Variants in RASIP1 observed in about 807,000 individuals in gnomAD.
RASIP1 encodes ras-interacting protein 1.
In RASIP1, 20 loss-of-function variants were observed where a neutral mutation model predicts 85.3. That is an observed-to-expected ratio of 0.23 (90% confidence interval 0.17 to 0.34). The LOEUF is 0.34. RASIP1 is among the 10% of genes least tolerant of loss of function. The probability of loss-of-function intolerance (pLI) is 1.00; values close to 1 mark genes in which losing one functional copy is unlikely to be tolerated. For missense variants in RASIP1, 1,170 were observed against 1,390.9 expected, an observed-to-expected ratio of 0.84 and a Z score of 2.53; for synonymous variants, 617 against 647.1, an observed-to-expected ratio of 0.95 and a Z score of 0.71.
chr19:48,737,374 C>T (rs2033591930), intron 3 of RASIP1: 1 of 763,700 alleles, frequency 1.3e-6, no homozygotes, highest in Non-Finnish European at 1.6e-6. Flanking sequence ...GCTCCCTGAG[C>T]AGACCCGTGC....
At chr19:48,728,892 ACTTGG>A in intron 5 of RASIP1, 40 bp downstream of exon 5, 1 of 1,412,568 alleles carries the variant, frequency 7.1e-7, no homozygotes, top group Non-Finnish European at 9.2e-7. Flanking sequence ...TGGAGAAGGG[ACTTGG>A]GGCGCTGGTG....
Position 48,720,820 on chromosome 19 carries a change from G to C in RASIP1, c.2870C>G (p.Pro957Arg), listed in dbSNP as rs758844968. 3 of 1,614,094 alleles carry C rather than the reference G, an allele frequency of 1.9e-6. No individual in the cohort carries two copies. In the South Asian group the frequency reaches 3.3e-5, roughly 18 times the overall value. ...TTCTCAAGGAGACGTGGCCACGGGA[G>C]GCCCATGGCGATAATTGGCTGGCAG... Reference protein sequence around the residue: ...QELPANYRHGPPVATSP With the variant: ...QELPANYRHGRPVATSP The change falls in exon 12 of 12, where the codon CCT becomes CGT. Residue 957 changes from proline to arginine, a missense_variant. Pro to Arg is a moderately radical substitution (Grantham distance 103). Transcript: ENST00000222145.
intron 8 of RASIP1, among the ~76,000 whole-genome samples, 156 bp downstream of exon 8, chr19:48,726,629 T>C (rs1219136424): frequency 6.6e-6 from 1 of 152,294 alleles, no homozygotes; most frequent in East Asian, 1.9e-4. Flanking sequence ...TGGGATGTCA[T>C]GTCAGAGAAA....
chr19:48,723,575 A>C (rs1276082506), intron 10 of RASIP1, among the ~76,000 whole-genome samples: 1 of 151,892 alleles, frequency 6.6e-6, no homozygotes, highest in Non-Finnish European at 1.5e-5. Flanking sequence ...AAAAAAAAAA[A>C]AAAGGAAAAA....
Position 48,737,864 on chromosome 19 carries a change from A to T in RASIP1, c.823+1096T>A, listed in dbSNP as rs1323309931. On this transcript the variant is annotated intron_variant, in intron 3 of 11. Transcript: ENST00000222145. ...GCCCATCTGCTCTGCATCGCTCCCA[A>T]GAACATTGTCCGTGCTTACTCTTCC... 7.1e-6 allele frequency: 7 copies of T among 985,140 alleles called. No homozygotes were observed. In the Admixed American group the frequency reaches 3.7e-4, roughly 52 times the overall value. 61.0% of individuals were successfully genotyped at this position (985,140 alleles called of 1,614,324 possible). A position where few individuals can be genotyped will look rare whatever the true frequency, so the allele number is the denominator to read the frequency against.
At chr19:48,723,159 T>C (rs1340509160) in intron 10 of RASIP1, among the ~76,000 whole-genome samples, 1 of 152,210 alleles carries the variant, frequency 6.6e-6, no homozygotes, top group Non-Finnish European at 1.5e-5. Context: ...ATGCTGGCAT[T>C]ACAGGCATTA....
rs1480288290 is a variant in RASIP1, at chr19:48,724,672, T to G, written c.2371+45A>C. ...GTGTCTAATATGACCTGAGTCTCAG[T>G]GGCTCCTGTCTTTGCCTCCCTGACA... On this transcript the variant is annotated intron_variant, in intron 9 of 11. Coordinates refer to ENST00000222145, the MANE Select transcript of RASIP1 (RefSeq NM_017805.3). This position sits in a 1 kb window ranked among gnomAD's most constrained non-coding sequence, Gnocchi z 4.6. 3 of 1,609,904 alleles carry G rather than the reference T, an allele frequency of 1.9e-6. No homozygotes were observed. Among genetic ancestry groups the G allele is most frequent in the Non-Finnish European group, 1.7e-6 (2 of 1,177,524 alleles).
chr19:48,723,318 G>C (rs192354088), intron 10 of RASIP1, among the ~76,000 whole-genome samples: 15 of 152,292 alleles, frequency 9.8e-5, no homozygotes, highest in Non-Finnish European at 2.1e-4. Context: ...CCAGCACTTT[G>C]GGAGGCCGAG....
chr19:48,739,090 G>A lies in RASIP1; in HGVS notation c.693C>T (p.Asp231=). The A allele has an allele frequency of 1.5e-6, 2 of 1,307,042 alleles. No individual in the cohort carries two copies. 81.0% of individuals were successfully genotyped at this position (1,307,042 alleles called of 1,614,324 possible). A position where few individuals can be genotyped will look rare whatever the true frequency, so the allele number is the denominator to read the frequency against. Residue 231 remains aspartate (D), a synonymous_variant, in exon 3 of 12, where the codon GAC becomes GAT. Transcript: ENST00000222145. The surrounding 1 kb of genome is among the most constrained non-coding windows in gnomAD (Gnocchi z 9.2). The stretch of plus-strand genomic sequence containing the variant: ...CCTGCACCAGCAGCGGGCGCTCGGA[G>A]TCGCCCAGCACGCGCAGGTGCTCCG... ...WRAEHLRVLG[D]SERPLLVQEL...
intron 4 of RASIP1, among the ~76,000 whole-genome samples, chr19:48,734,340 T>TTG (rs2033524603): frequency 6.6e-6 from 1 of 151,550 alleles, no homozygotes; most frequent in Non-Finnish European, 1.5e-5. Context: ...GACAGGGCCT[T>TTG]TGTGTGTCAC....
chr19:48,724,005 G>A lies in RASIP1; in HGVS notation c.2544+332C>T, dbSNP rs569832264. Among the ~76,000 whole-genome samples, 20 of 152,154 alleles carry A rather than the reference G, an allele frequency of 1.3e-4. No individual in the cohort carries two copies. Among genetic ancestry groups the A allele is most frequent in the African/African-American group, 3.4e-4 (14 of 41,514 alleles). ...GTATTTTTAGTAGAGACAGCGTTTC[G>A]CCATGTTGGCCAGGCTGGTCTCAAA... is the stretch of plus-strand genomic sequence containing the variant. On this transcript the variant is annotated intron_variant, in intron 10 of 11. Coordinates refer to ENST00000222145, the MANE Select transcript of RASIP1 (RefSeq NM_017805.3). The surrounding 1 kb of genome is among the most constrained non-coding windows in gnomAD (Gnocchi z 4.6).
intron 4 of RASIP1, 79 bp from the exon 5 acceptor site, chr19:48,729,669 A>T: frequency 6.9e-7 from 1 of 1,441,388 alleles, no homozygotes; most frequent in South Asian, 1.3e-5. Flanking sequence ...TTTCTACAAC[A>T]ACTTTTCTAT....
In RASIP1 at chr19:48,720,895, C is replaced by G; in HGVS notation, c.2795G>C (p.Arg932Pro). 6.2e-7 allele frequency: 1 copy of G among 1,613,922 alleles called. No individual in the cohort carries two copies. Among genetic ancestry groups the G allele is most frequent in the South Asian group, 1.1e-5 (1 of 91,080 alleles). Residue 932 changes from arginine to proline, a missense_variant, in exon 12 of 12, where the codon CGT becomes CCT. Coordinates refer to ENST00000222145, the MANE Select transcript of RASIP1 (RefSeq NM_017805.3). ...TGPVTDDALHRELRRLRRLLW... is the reference protein window; with the variant it reads ...TGPVTDDALHPELRRLRRLLW... The stretch of plus-strand genomic sequence containing the variant: ...GAGGCGGCGGAGCCTACGGAGTTCA[C>G]GGTGCAAGGCATCGTCCGTCACTGG...
chr19:48,724,561 C>A lies in RASIP1; in HGVS notation c.2372-52G>T. 6.3e-7 allele frequency: 1 copy of A among 1,590,046 alleles called. No individual in the cohort carries two copies. On this transcript the variant is annotated intron_variant, in intron 9 of 11. Transcript: ENST00000222145. This position sits in a 1 kb window ranked among gnomAD's most constrained non-coding sequence, Gnocchi z 4.6. The stretch of plus-strand genomic sequence containing the variant: ...AGTTGGTTGGCTGGACTCTGTGCTC[C>A]TGCCTCCCAGACTCTTCCTATCCTT...
Position 48,738,801 on chromosome 19 carries a change from T to A in RASIP1, c.823+159A>T, listed in dbSNP as rs1049293508. 4.2e-4 allele frequency: 401 copies of A among 946,072 alleles called. 1 individual carries two copies. Among genetic ancestry groups the A allele is most frequent in the Non-Finnish European group, 5.2e-4 (389 of 743,520 alleles). The allele number at this position is 946,072 out of a possible 1,614,324, so 58.6% of individuals were successfully genotyped here. ...CCCCCGGCCCTGCTCTAGCTCTGCC[T>A]AGAGTCCAACACGCACCGTCCAGTC... is the stretch of plus-strand genomic sequence containing the variant. On this transcript the variant is annotated intron_variant, in intron 3 of 11. Transcript: ENST00000222145. The surrounding 1 kb of genome is among the most constrained non-coding windows in gnomAD (Gnocchi z 4.0).
intron 4 of RASIP1, among the ~76,000 whole-genome samples, chr19:48,729,894 T>C (rs1184295573): frequency 2.0e-5 from 3 of 151,934 alleles, no homozygotes; most frequent in Non-Finnish European, 2.9e-5. Flanking sequence ...TTTGTATTTT[T>C]AGTAGGGAAA....
Position 48,720,987 on chromosome 19 carries a change from G to A in RASIP1, c.2703C>T (p.Phe901=), listed in dbSNP as rs760028636. 1.2e-6 allele frequency: 2 copies of A among 1,603,342 alleles called. No homozygotes were observed. Among genetic ancestry groups the A allele is most frequent in the East Asian group, 2.2e-5 (1 of 44,712 alleles). Residue 901 remains phenylalanine (F), a synonymous_variant, in exon 12 of 12, where the codon TTC becomes TTT. Transcript: ENST00000222145. ...GGGGCGGGTGCGAGGAGAAGCTTTC[G>A]AAGATGTCCCCTGTGAGGCCGAAGG... ...EREAVDTGDI[F]ESFSSHPPLI...
Position 48,720,759 on chromosome 19 carries a change from T to C in RASIP1, c.*39A>G. Reference sequence around the variant, plus strand: ...GCGGGCTCCTGTCCGTAGAAGCCCGTGACATTTCAAGGTTCGCGCGCTCGT... The same window carrying C: ...GCGGGCTCCTGTCCGTAGAAGCCCGCGACATTTCAAGGTTCGCGCGCTCGT... On this transcript the variant is annotated 3_prime_UTR_variant, in exon 12 of 12. Coordinates refer to ENST00000222145, the MANE Select transcript of RASIP1 (RefSeq NM_017805.3). 1.3e-6 allele frequency: 2 copies of C among 1,598,298 alleles called. No homozygotes were observed. Among genetic ancestry groups the C allele is most frequent in the Non-Finnish European group, 1.7e-6 (2 of 1,166,132 alleles).
In RASIP1 at chr19:48,740,445, G is replaced by A; in HGVS notation, c.-5+76C>T. On this transcript the variant is annotated intron_variant, in intron 1 of 11. Transcript: ENST00000222145. The surrounding 1 kb of genome is among the most constrained non-coding windows in gnomAD (Gnocchi z 5.5). ...GGTACCCTGGATTCCTGGGTCCTGG[G>A]ATGGAAGATGGCTGGGGGACTGAGT... 7.2e-7 allele frequency: 1 copy of A among 1,395,426 alleles called. No individual in the cohort carries two copies. Among genetic ancestry groups the A allele is most frequent in the South Asian group, 1.6e-5 (1 of 62,790 alleles). 86.4% of individuals were successfully genotyped at this position (1,395,426 alleles called of 1,614,324 possible).
Sources: gnomAD v4.1 joint callset for allele counts (sites outside exome capture counted in the v4.1 genomes callset) on GRCh38, gnomAD v4.1.1 for gene constraint, Gnocchi (gnomAD v3.1) non-coding constraint, MANE v1.5 for transcripts, NCBI Gene and HGNC (gene_info 2026-07-23, HGNC 2026-07-21) for gene names.